The following PTPRD variants were observed in gnomAD, a reference collection of about 807,000 sequenced individuals.
PTPRD encodes the protein receptor-type tyrosine-protein phosphatase delta.
PTPRD carries 34 observed loss-of-function variants against 214.5 expected under a neutral mutation model. That is an observed-to-expected ratio of 0.16 (90% confidence interval 0.12 to 0.21). The LOEUF (loss-of-function observed/expected upper bound fraction) is 0.21. Among genes scored for constraint, PTPRD ranks in the 10% least tolerant of loss-of-function variants. The pLI is 1.00. For missense variants in PTPRD, 2,545 were observed against 2,398.7 expected (o/e 1.06, Z -1.27); for synonymous variants, 1,128 against 845.7 (o/e 1.33, Z -5.79).
chr9:10,144,723 T>C (rs545698914), intron 3 of PTPRD, among the ~76,000 whole-genome samples: 2 of 152,204 alleles, frequency 1.3e-5, no homozygotes, highest in South Asian at 4.1e-4. Context: ...ATGAATCAGC[T>C]AAGGAGCCTC....
intron 2 of PTPRD, among the ~76,000 whole-genome samples, chr9:10,563,864 T>C: frequency 6.6e-6 from 1 of 151,920 alleles, no homozygotes; most frequent in East Asian, 1.9e-4. Context: ...TAAAATAGCA[T>C]TGGTTTTGTG....
intron 14 of PTPRD, among the ~76,000 whole-genome samples, chr9:8,625,281 T>C (rs2095985560): frequency 6.6e-6 from 1 of 151,898 alleles, no homozygotes; most frequent in African/African-American, 2.4e-5. Context: ...TGATAGTTAA[T>C]AACTAGCTTT....
chr9:8,927,628 T>G (rs1031437633), intron 11 of PTPRD, among the ~76,000 whole-genome samples: 3 of 152,228 alleles, frequency 2.0e-5, no homozygotes, highest in Admixed American at 2.0e-4. Flanking sequence ...TTGGGTTGGT[T>G]CCAAGTCTTT....
At chr9:9,646,285 G>A (rs533051473) in intron 7 of PTPRD, among the ~76,000 whole-genome samples, 85 of 151,540 alleles carry the variant, frequency 5.6e-4, no homozygotes, top group African/African-American at 2.0e-3. Context: ...GAATTGTAGG[G>A]TGACCATTTT....
intron 10 of PTPRD, among the ~76,000 whole-genome samples, chr9:9,095,422 A>G (rs1569539648): frequency 6.6e-6 from 1 of 152,196 alleles, no homozygotes; most frequent in Non-Finnish European, 1.5e-5. Context: ...ACAAAAATCA[A>G]ATGTATTTCA....
intron 7 of PTPRD, among the ~76,000 whole-genome samples, chr9:9,610,424 A>T (rs1338129160): frequency 1.3e-5 from 2 of 152,228 alleles, no homozygotes; most frequent in African/African-American, 4.8e-5. Flanking sequence ...ACGGATTGAT[A>T]ATCACTTAGA....
intron 12 of PTPRD, among the ~76,000 whole-genome samples, chr9:8,668,514 A>G (rs530737554): frequency 1.3e-5 from 2 of 152,338 alleles, no homozygotes; most frequent in South Asian, 4.1e-4. Flanking sequence ...CATCTTACAT[A>G]GAATAAGATA....
intron 4 of PTPRD, among the ~76,000 whole-genome samples, chr9:10,025,135 G>C (rs899402725): frequency 1.3e-4 from 19 of 151,956 alleles, no homozygotes; most frequent in African/African-American, 3.9e-4. Flanking sequence ...CAATCCTTTG[G>C]GTATATACCC....
intron 7 of PTPRD, among the ~76,000 whole-genome samples, chr9:9,637,757 TC>T (rs1418677032): frequency 2.0e-5 from 3 of 152,186 alleles, no homozygotes; most frequent in Non-Finnish European, 2.9e-5. Context: ...TTGAGAACTC[TC>T]TGTGGTAGCC....
rs138526087 is a variant in PTPRD, at chr9:9,439,961, C to A, written c.-236-42479G>T. ...ATGTCAAAACCCAGCCTATTTATGA[C>A]CATCATCATGACATAGTAAAGTCAC... On this transcript the variant is annotated intron_variant, in intron 8 of 45. Coordinates refer to ENST00000381196, the MANE Select transcript of PTPRD (RefSeq NM_002839.4). Among the ~76,000 whole-genome samples the A allele has an allele frequency of 3.3e-3, 497 of 152,226 alleles. 3 individuals are homozygous for A. Among genetic ancestry groups the A allele is most frequent in the African/African-American group, 0.011 (467 of 41,532 alleles).
intron 2 of PTPRD, among the ~76,000 whole-genome samples, chr9:10,498,499 G>C (rs2042764629): frequency 7.4e-6 from 1 of 135,178 alleles, no homozygotes; most frequent in Admixed American, 6.8e-5. Context: ...GTCAAAACAG[G>C]TCACATCAAA....
At chr9:8,967,980 A>G (rs576862158) in intron 11 of PTPRD, among the ~76,000 whole-genome samples, 6 of 151,376 alleles carry the variant, frequency 4.0e-5, no homozygotes, top group African/African-American at 1.5e-4. Context: ...TTCAATTCCT[A>G]CCTATGAGTG....
chr9:9,789,086 G>A (rs7870880), intron 5 of PTPRD, among the ~76,000 whole-genome samples: 1 of 151,926 alleles, frequency 6.6e-6, no homozygotes, highest in Non-Finnish European at 1.5e-5. Context: ...GACATCTGGA[G>A]GGATCTTATA....
chr9:9,556,532 C>A (rs531172511), intron 8 of PTPRD, among the ~76,000 whole-genome samples: 1 of 152,214 alleles, frequency 6.6e-6, no homozygotes, highest in Non-Finnish European at 1.5e-5. Context: ...TTGTGTTTCA[C>A]ACTTTGAATC....
intron 11 of PTPRD, among the ~76,000 whole-genome samples, chr9:8,827,428 G>GA (rs2097198415): frequency 6.6e-6 from 1 of 152,146 alleles, no homozygotes; most frequent in African/African-American, 2.4e-5. Flanking sequence ...GCAACATGGT[G>GA]AAACCCCATC....
At chr9:10,350,816 C>G (rs12551211) in intron 2 of PTPRD, among the ~76,000 whole-genome samples, 2,011 of 152,256 alleles carry the variant, frequency 0.013, 174 homozygotes, top group Admixed American at 0.12. Context: ...AATGTGCTCA[C>G]CAAATATTGA....
chr9:10,200,702 A>G (rs1003400540), intron 3 of PTPRD, among the ~76,000 whole-genome samples: 4 of 152,118 alleles, frequency 2.6e-5, no homozygotes, highest in Middle Eastern at 3.2e-3. Flanking sequence ...AACAGTTACA[A>G]TCATGCAGAG....
At chr9:8,916,923 A>G (rs1414044253) in intron 11 of PTPRD, among the ~76,000 whole-genome samples, 1 of 152,170 alleles carries the variant, frequency 6.6e-6, no homozygotes, top group African/African-American at 2.4e-5. Context: ...CAAATATCCA[A>G]AGCAAACAGT....
intron 8 of PTPRD, among the ~76,000 whole-genome samples, chr9:9,474,889 T>C (rs67619863): frequency 0.076 from 11,599 of 152,196 alleles, 528 homozygotes; most frequent in Non-Finnish European, 0.1. Context: ...AGAGAGGCAA[T>C]TGGATTCCTT....
Sources: allele counts gnomAD v4.1 joint callset (sites outside exome capture counted in the v4.1 genomes callset), GRCh38; gene constraint gnomAD v4.1.1; transcripts MANE v1.5; gene names NCBI Gene and HGNC (gene_info 2026-07-23, HGNC 2026-07-21).